Variants in TMLHE observed in about 807,000 individuals in gnomAD.
The protein encoded by TMLHE is trimethyllysine dioxygenase, mitochondrial.
A neutral mutation model predicts 25.7 loss-of-function variants in TMLHE; 18 were observed. The ratio of observed to expected loss-of-function variants is 0.70; its 90% CI spans 0.48 to 1.04. TMLHE has a LOEUF of 1.04. Ranked by LOEUF, TMLHE falls within the 50% of genes least tolerant of loss-of-function variation. The pLI is 0.00. For missense variants in TMLHE, 236 were observed against 259.0 expected (o/e 0.91, Z 0.61); for synonymous variants, 105 against 97.0 (o/e 1.08, Z -0.49).
chrX:155,524,774 A>G (rs2067209279), intron 2 of TMLHE, 142 bp from the exon 3 acceptor site: 1 of 405,240 alleles, frequency 2.5e-6, no homozygotes, highest in South Asian at 1.0e-4. Context: ...CAGATATTAA[A>G]ATATACTGTA....
At chrX:155,554,079 A>C (rs782234072) in intron 1 of TMLHE, among the ~76,000 whole-genome samples, 6 of 109,440 alleles carry the variant, frequency 5.5e-5, no homozygotes, top group African/African-American at 2.0e-4. Flanking sequence ...TGATCATGGC[A>C]AACTGCAGCT....
intron 1 of TMLHE, among the ~76,000 whole-genome samples, chrX:155,601,463 A>C (rs114415228): frequency 0.029 from 3,283 of 111,758 alleles, 111 homozygotes; most frequent in African/African-American, 0.098. Context: ...GCTGAAATTA[A>C]ATTATTATTA....
chrX:155,547,448 A>T (rs1557338965), intron 1 of TMLHE, among the ~76,000 whole-genome samples: 1 of 112,042 alleles, frequency 8.9e-6, no homozygotes, highest in Non-Finnish European at 1.9e-5. Flanking sequence ...CAGCTATAAT[A>T]GGTACTTTCT....
intron 3 of TMLHE, 44 bp from the exon 4 acceptor site, chrX:155,514,309 A>C (rs781811381): frequency 1.8e-6 from 2 of 1,113,688 alleles, no homozygotes; most frequent in African/African-American, 3.7e-5. Flanking sequence ...ATTACAAATA[A>C]TGTCAATATT....
intron 3 of TMLHE, among the ~76,000 whole-genome samples, chrX:155,524,069 T>C (rs1557336126): frequency 8.9e-6 from 1 of 111,820 alleles, no homozygotes; most frequent in Non-Finnish European, 1.9e-5. Flanking sequence ...GTAGTCTATG[T>C]TAGGATGTCA....
At chrX:155,522,522 G>C (rs1010797336) in intron 3 of TMLHE, among the ~76,000 whole-genome samples, 1 of 111,826 alleles carries the variant, frequency 8.9e-6, no homozygotes, top group South Asian at 3.8e-4. Context: ...TGACTCCTTC[G>C]TGTTACCCTT....
At chrX:155,609,325 G>C (rs1180557770) in intron 1 of TMLHE, among the ~76,000 whole-genome samples, 9 of 111,290 alleles carry the variant, frequency 8.1e-5, no homozygotes, top group African/African-American at 2.9e-4. Context: ...TTTATAAATG[G>C]GAGCTAATAT....
rs782768345 is a variant in TMLHE at position 155,586,264 on chromosome X, G to T, written c.-2+26528C>A. 7.1e-3 allele frequency among the ~76,000 whole-genome samples: 772 copies of T among 108,087 alleles called. 6 individuals are homozygous for T. Among genetic ancestry groups the T allele is most frequent in the African/African-American group, 0.024 (728 of 29,769 alleles). The allele number at this position is 108,087 out of a possible 115,157, so 93.9% of individuals were successfully genotyped here. A position where few individuals can be genotyped will look rare whatever the true frequency, so the allele number is the denominator to read the frequency against. ...AAAATCCATGGTTATTAAACAAAAA[G>T]CTCCTAGATGGCATTGAGTCAAGAA... On this transcript the variant is annotated intron_variant, in intron 1 of 7. Coordinates refer to ENST00000334398, the MANE Select transcript of TMLHE (RefSeq NM_018196.4).
chrX:155,550,168 G>A (rs956499564), intron 1 of TMLHE, among the ~76,000 whole-genome samples: 8 of 110,689 alleles, frequency 7.2e-5, no homozygotes, highest in Admixed American at 9.6e-5. Flanking sequence ...ATTGTGAACA[G>A]TGCTGCAGTC....
chrX:155,583,858 C>T (rs1437049809), intron 1 of TMLHE, among the ~76,000 whole-genome samples: 1 of 111,064 alleles, frequency 9.0e-6, no homozygotes, highest in Non-Finnish European at 1.9e-5. Flanking sequence ...GTACAATGCA[C>T]ATTATTCAGG....
intron 2 of TMLHE, among the ~76,000 whole-genome samples, chrX:155,536,185 A>G (rs782394017): frequency 1.8e-5 from 2 of 111,364 alleles, no homozygotes; most frequent in African/African-American, 3.3e-5. Context: ...TTGCCACAAG[A>G]CTGTGAGTAT....
rs1159687860 is a variant in TMLHE at position 155,517,079 on chromosome X, A to G, written c.359-2814T>C. On this transcript the variant is annotated intron_variant, in intron 3 of 7. Coordinates refer to ENST00000334398, the MANE Select transcript of TMLHE (RefSeq NM_018196.4). Reference sequence around the variant, plus strand: ...TGCCATTGCTTTTGGTGTTTTGGACATGAAGTCCTTGCCCATGCCTATGTC... The same window carrying G: ...TGCCATTGCTTTTGGTGTTTTGGACGTGAAGTCCTTGCCCATGCCTATGTC... 2.1e-3 allele frequency among the ~76,000 whole-genome samples: 124 copies of G among 58,804 alleles called. 2 individuals are homozygous for G. Among genetic ancestry groups the G allele is most frequent in the African/African-American group, 4.9e-3 (121 of 24,770 alleles). The allele number at this position is 58,804 out of a possible 115,157, so 51.1% of individuals were successfully genotyped here. A position where few individuals can be genotyped will look rare whatever the true frequency, so the allele number is the denominator to read the frequency against.
intron 6 of TMLHE, among the ~76,000 whole-genome samples, chrX:155,505,315 T>C (rs1052305768): frequency 8.9e-6 from 1 of 111,863 alleles, no homozygotes; most frequent in Non-Finnish European, 1.9e-5. Context: ...TTACTACTCA[T>C]TGTTTTAGGC....
At chrX:155,602,716 A>G (rs1045283495) in intron 1 of TMLHE, among the ~76,000 whole-genome samples, 2 of 111,544 alleles carry the variant, frequency 1.8e-5, no homozygotes, top group Non-Finnish European at 3.8e-5. Context: ...ATTAAAACTA[A>G]TAATTCTACT....
At chrX:155,556,242 A>ATG (rs2067454091) in intron 1 of TMLHE, among the ~76,000 whole-genome samples, 1 of 109,344 alleles carries the variant, frequency 9.1e-6, no homozygotes, top group African/African-American at 3.4e-5. Flanking sequence ...GCCAACCAGA[A>ATG]AGGAATGTAG....
intron 1 of TMLHE, among the ~76,000 whole-genome samples, chrX:155,552,810 A>AT (rs1461376717): frequency 3.6e-5 from 4 of 109,783 alleles, no homozygotes; most frequent in Non-Finnish European, 7.6e-5. Context: ...TATGTCATTG[A>AT]TTTTTTAGCC....
chrX:155,597,646 A>G (rs922239040), intron 1 of TMLHE, among the ~76,000 whole-genome samples: 3 of 111,731 alleles, frequency 2.7e-5, no homozygotes, highest in African/African-American at 9.8e-5. Context: ...TTTTTTACCT[A>G]AGCTAATACA....
chrX:155,547,719 A>G (rs1419130415), intron 1 of TMLHE, among the ~76,000 whole-genome samples: 2 of 109,748 alleles, frequency 1.8e-5, no homozygotes, highest in Admixed American at 2.0e-4. Context: ...CTGATTGTAA[A>G]AAAAAAAAAA....
chrX:155,585,764 C>T (rs1357983094), intron 1 of TMLHE, among the ~76,000 whole-genome samples: 3 of 111,811 alleles, frequency 2.7e-5, no homozygotes, highest in Non-Finnish European at 3.8e-5. Flanking sequence ...ACAGAATGCA[C>T]ATTCTTCCCA....
Sources: gnomAD v4.1 joint callset for allele counts (sites outside exome capture counted in the v4.1 genomes callset) on GRCh38, gnomAD v4.1.1 for gene constraint, MANE v1.5 for transcripts, NCBI Gene and HGNC (gene_info 2026-07-23, HGNC 2026-07-21) for gene names.